Variants in SFXN5 observed in about 807,000 individuals in gnomAD.
The protein encoded by SFXN5 is sideroflexin 5, also known as sideroflexin-5.
SFXN5 carries 43 observed loss-of-function variants against 50.2 expected under a neutral mutation model. That is an observed-to-expected ratio of 0.86 (90% CI 0.67 to 1.11). The LOEUF (loss-of-function observed/expected upper bound fraction) is 1.11, where lower values mean the gene tolerates loss of function less well. Ranked by LOEUF, SFXN5 falls within the 50% of genes least tolerant of loss-of-function variation. The pLI, the probability that SFXN5 is intolerant of heterozygous loss-of-function variation, is 0.00. For missense variants in SFXN5, 463 were observed against 454.1 expected (o/e 1.02, Z -0.18); for synonymous variants, 203 against 185.8 (o/e 1.09, Z -0.75).
intron 2 of SFXN5, among the ~76,000 whole-genome samples, chr2:73,041,289 C>T (rs777944803): frequency 3.3e-5 from 5 of 152,106 alleles, no homozygotes; most frequent in Admixed American, 6.5e-5. Flanking sequence ...ATCAGAAAAG[C>T]CCTAGAAGGA....
At chr2:73,020,043 T>C in intron 6 of SFXN5, 196 bp downstream of exon 6, 2 of 580,210 alleles carry the variant, frequency 3.4e-6, no homozygotes, top group South Asian at 4.4e-5. Flanking sequence ...GTCATCAGGC[T>C]TTTTATGAAA....
intron 5 of SFXN5, among the ~76,000 whole-genome samples, chr2:73,021,813 T>C (rs569206948): frequency 6.6e-6 from 1 of 152,238 alleles, no homozygotes; most frequent in South Asian, 2.1e-4. Flanking sequence ...CACCCATGAG[T>C]GTGACTCTGC....
At position 73,019,924 on chromosome 2, in the gene SFXN5, C is replaced by T. The variant is rs1574135862; in HGVS notation, c.357+315G>A. The T allele has an allele frequency of 1.8e-5, 5 of 272,352 alleles. No homozygotes were observed. The South Asian group carries it at 3.9e-4, about 21-fold the overall frequency. The allele number at this position is 272,352 out of a possible 1,614,324, so 16.9% of individuals were successfully genotyped here. A position where few individuals can be genotyped will look rare whatever the true frequency, so the allele number is the denominator to read the frequency against. ...AGAAGGCATGCTTCTACTCCTACTT[C>T]CCAAGTTCTTTGAGAAAACTTCCCT... On this transcript the variant is annotated intron_variant, in intron 6 of 13. Coordinates refer to ENST00000272433, the MANE Select transcript of SFXN5 (RefSeq NM_144579.3).
At chr2:73,061,378 T>C (rs1476611386) in intron 1 of SFXN5, among the ~76,000 whole-genome samples, 2 of 148,778 alleles carry the variant, frequency 1.3e-5, no homozygotes, top group Non-Finnish European at 3.0e-5. Flanking sequence ...TATTTGTAAA[T>C]AGTTGAAGAA....
intron 9 of SFXN5, among the ~76,000 whole-genome samples, chr2:72,990,009 C>T (rs1035952086): frequency 5.9e-5 from 9 of 152,218 alleles, no homozygotes; most frequent in African/African-American, 1.2e-4. Flanking sequence ...TTGGGGAGGA[C>T]GCAGAGCCTT....
intron 13 of SFXN5, among the ~76,000 whole-genome samples, chr2:72,958,289 A>T (rs1337146146): frequency 6.6e-6 from 1 of 152,178 alleles, no homozygotes; most frequent in African/African-American, 2.4e-5. Context: ...AAACTCAGCC[A>T]CAGGAAATGA....
chr2:72,959,171 C>T (rs1266681175), intron 13 of SFXN5, among the ~76,000 whole-genome samples: 1 of 152,194 alleles, frequency 6.6e-6, no homozygotes, highest in African/African-American at 2.4e-5. Context: ...CGCTTTCTGG[C>T]CACAGCCCTC....
intron 9 of SFXN5, among the ~76,000 whole-genome samples, chr2:72,995,756 GT>G (rs1293338833): frequency 6.6e-6 from 1 of 152,170 alleles, no homozygotes; most frequent in Non-Finnish European, 1.5e-5. Context: ...TAATGAGGCT[GT>G]AGGACCTGGG....
intron 12 of SFXN5, among the ~76,000 whole-genome samples, chr2:72,966,188 C>T (rs982930880): frequency 3.3e-5 from 5 of 152,172 alleles, no homozygotes; most frequent in East Asian, 1.9e-4. Flanking sequence ...GAGTGGTAGG[C>T]GTCCATTGTC....
In SFXN5 at chr2:72,944,684, AG is replaced by A. The variant is rs1671737097; in HGVS notation, c.*337del. ...TTCTGATAAAAAATAAAAATAAAAA[AG>A]GAACCAAAGTATAAAAGGATTCTAC... On this transcript the variant is annotated 3_prime_UTR_variant, in exon 14 of 14. Transcript: ENST00000272433. The A allele has an allele frequency of 4.5e-6, 1 of 220,550 alleles. No homozygotes were observed. Among genetic ancestry groups the A allele is most frequent in the African/African-American group, 2.3e-5 (1 of 43,792 alleles). 13.7% of individuals were successfully genotyped at this position (220,550 alleles called of 1,614,324 possible). A position where few individuals can be genotyped will look rare whatever the true frequency, so the allele number is the denominator to read the frequency against.
At chr2:72,983,656 C>T (rs1047962494) in intron 10 of SFXN5, among the ~76,000 whole-genome samples, 1 of 152,192 alleles carries the variant, frequency 6.6e-6, no homozygotes, top group Non-Finnish European at 1.5e-5. Flanking sequence ...GTCCAGAGGG[C>T]CAGCTTTATA....
At chr2:73,047,273 TATAC>T (rs1221517647) in intron 2 of SFXN5, among the ~76,000 whole-genome samples, 22 of 63,928 alleles carry the variant, frequency 3.4e-4, no homozygotes, top group Non-Finnish European at 4.9e-4. Context: ...TATATATATA[TATAC>T]ACACATATAT....
intron 6 of SFXN5, 78 bp downstream of exon 6, chr2:73,020,161 T>C (rs1005312757): frequency 3.7e-6 from 5 of 1,345,336 alleles, no homozygotes; most frequent in Non-Finnish European, 5.2e-6. Flanking sequence ...TTCAGTCAAA[T>C]ACCCGTGAGC....
intron 13 of SFXN5, among the ~76,000 whole-genome samples, chr2:72,958,174 C>A (rs897173008): frequency 6.6e-6 from 1 of 152,152 alleles, no homozygotes; most frequent in Non-Finnish European, 1.5e-5. Context: ...CTGCCAAAGA[C>A]CTACAGCTCT....
chr2:73,009,880 C>T (rs1006160359), intron 6 of SFXN5, among the ~76,000 whole-genome samples: 2 of 152,090 alleles, frequency 1.3e-5, no homozygotes, highest in Non-Finnish European at 2.9e-5. Flanking sequence ...ATGGGGTGAG[C>T]CTCAGTAACT....
intron 1 of SFXN5, among the ~76,000 whole-genome samples, chr2:73,062,757 C>T (rs1004394944): frequency 6.6e-6 from 1 of 152,144 alleles, no homozygotes; most frequent in Non-Finnish European, 1.5e-5. Context: ...TGAAGCATCG[C>T]GAAGTATACT....
intron 3 of SFXN5, among the ~76,000 whole-genome samples, chr2:73,029,736 A>G (rs919120723): frequency 2.6e-5 from 4 of 152,182 alleles, no homozygotes; most frequent in Non-Finnish European, 5.9e-5. Flanking sequence ...ATTTTTACAA[A>G]TGTGGAAACT....
intron 1 of SFXN5, among the ~76,000 whole-genome samples, chr2:73,064,279 G>A (rs978647780): frequency 5.9e-5 from 9 of 152,252 alleles, no homozygotes; most frequent in African/African-American, 1.2e-4. Context: ...CAGAAAGGCT[G>A]GGCCAGCCCA....
chr2:73,027,590 A>T (rs114647434), intron 3 of SFXN5, among the ~76,000 whole-genome samples: 2,269 of 152,232 alleles, frequency 0.015, 56 homozygotes, highest in African/African-American at 0.052. Flanking sequence ...TCACTCACTC[A>T]CTCAGAGCAA....
Sources: allele counts gnomAD v4.1 joint callset (sites outside exome capture counted in the v4.1 genomes callset), GRCh38; gene constraint gnomAD v4.1.1; transcripts MANE v1.5; gene names NCBI Gene and HGNC (gene_info 2026-07-23, HGNC 2026-07-21).